Variants in TSPOAP1 observed in about 807,000 individuals in gnomAD.
The protein encoded by TSPOAP1 is TSPO associated protein 1.
A neutral mutation model predicts 197.0 loss-of-function variants in TSPOAP1; 87 were observed. That is an observed-to-expected ratio of 0.44 (90% CI 0.37 to 0.53). The LOEUF (loss-of-function observed/expected upper bound fraction) is 0.53. Ranked by LOEUF, TSPOAP1 falls within the 20% of genes least tolerant of loss-of-function variation. TSPOAP1 has a pLI of 0.00. For synonymous variants in TSPOAP1, 913 were observed against 998.9 expected (o/e 0.91, Z 1.62); for missense variants, 2,174 against 2,411.3 (o/e 0.90, Z 2.06).
Position 58,323,336 on chromosome 17 carries a change from G to T in TSPOAP1, c.1066C>A (p.Gln356Lys). The T allele has an allele frequency of 6.2e-7, 1 of 1,614,234 alleles. No individual in the cohort carries two copies. Among genetic ancestry groups the T allele is most frequent in the Non-Finnish European group, 8.5e-7 (1 of 1,180,034 alleles). The change falls in exon 7 of 32, where the codon CAG (glutamine) becomes AAG (lysine). Residue 356 changes from glutamine to lysine, a missense_variant. By Grantham distance (53) the Gln-to-Lys change is moderately conservative. Transcript: ENST00000343736. ...KKRKKCESLE[Q>K]EARKKQRRCE... Reference sequence around the variant, plus strand: ...CGCCTCTGCTTTTTCCGGGCTTCCTGCTCCAGGCTCTCGCATTTCTTCCGC... The same window carrying T: ...CGCCTCTGCTTTTTCCGGGCTTCCTTCTCCAGGCTCTCGCATTTCTTCCGC...
At position 58,308,838 on chromosome 17, in the gene TSPOAP1, A is replaced by G; in HGVS notation, c.4434T>C (p.Arg1478=). ...CCAGGCCAGGCTCCAGCGCCCGGCC[A>G]CGGGAGCACCTCCGGGAAGGGCCCA... ...GRLGPSRRCS[R]GRALEPGLAS... Residue 1478 remains arginine, a synonymous_variant, in exon 22 of 32, where the codon CGT becomes CGC. Coordinates refer to ENST00000343736, the MANE Select transcript of TSPOAP1 (RefSeq NM_004758.4). 6.2e-7 allele frequency: 1 copy of G among 1,611,552 alleles called. No homozygotes were observed. The highest frequency in any genetic ancestry group is 8.5e-7 in the Non-Finnish European group (1 of 1,179,054).
At chr17:58,310,272 A>G (rs58582198) in intron 20 of TSPOAP1, 114 bp from the exon 21 acceptor site, 2 of 1,232,148 alleles carry the variant, frequency 1.6e-6, no homozygotes, top group East Asian at 5.0e-5. Context: ...AGGGAGAAAG[A>G]GCCATGTCCT....
chr17:58,305,001 T>C (rs775401475), intron 30 of TSPOAP1, 60 bp downstream of exon 30: 21 of 1,333,884 alleles, frequency 1.6e-5, no homozygotes, highest in Non-Finnish European at 2.2e-5. Flanking sequence ...GCCCTGGCCC[T>C]ACCACCCCAC....
chr17:58,319,062 A>G (rs1186508935), intron 13 of TSPOAP1, 28 bp downstream of exon 13: 2 of 1,477,738 alleles, frequency 1.4e-6, no homozygotes, highest in Admixed American at 2.4e-5. Context: ...TGGGGATTCC[A>G]GGCCAATGCC....
chr17:58,312,539 C>T lies in TSPOAP1; in HGVS notation c.2282G>A (p.Gly761Glu), dbSNP rs757985193. The T allele has an allele frequency of 1.2e-6, 2 of 1,605,312 alleles. No individual in the cohort carries two copies. Among genetic ancestry groups the T allele is most frequent in the Non-Finnish European group, 1.7e-6 (2 of 1,175,694 alleles). ...CTCCTCAGGTCTGGGCTGGCTCCTTCCCACACTGCTTTGGCCCCCGCTACT... is the reference window on the plus strand; with the variant it reads ...CTCCTCAGGTCTGGGCTGGCTCCTTTCCACACTGCTTTGGCCCCCGCTACT... ...GSSSGGQSSV[G>E]RSQPRPEEED... is the part of the protein sequence containing the mutation. The change falls in exon 17 of 32, where the codon GGA becomes GAA. Residue 761 changes from glycine (G) to glutamate (E), a missense_variant. Gly to Glu is a moderately conservative substitution (Grantham distance 98). This residue lies in a region of TSPOAP1 where 1,933 missense variants were observed against 2,139.0 expected (regional missense o/e 0.90). Coordinates refer to ENST00000343736, the MANE Select transcript of TSPOAP1 (RefSeq NM_004758.4).
At position 58,309,502 on chromosome 17, in the gene TSPOAP1, C is replaced by A; in HGVS notation, c.3892-122G>T. 7.6e-7 allele frequency: 1 copy of A among 1,307,342 alleles called. No homozygotes were observed. Among genetic ancestry groups the A allele is most frequent in the South Asian group, 1.6e-5 (1 of 63,384 alleles). The allele number at this position is 1,307,342 out of a possible 1,614,324, so 81.0% of individuals were successfully genotyped here. A position where few individuals can be genotyped will look rare whatever the true frequency, so the allele number is the denominator to read the frequency against. ...CAGGGGTTACGGACAACCCCACAGC[C>A]CTCCCACGGCTTCCTCCGAGAGGAG... On this transcript the variant is annotated intron_variant, in intron 21 of 31. Transcript: ENST00000343736. The surrounding 1 kb of genome is among the most constrained non-coding windows in gnomAD (Gnocchi z 5.0).
In TSPOAP1 at chr17:58,327,707, C is replaced by A; in HGVS notation, c.214G>T (p.Val72Leu). The A allele has an allele frequency of 1.2e-6, 2 of 1,614,130 alleles. No individual in the cohort carries two copies. The highest frequency in any genetic ancestry group is 1.7e-6 in the Non-Finnish European group (2 of 1,180,040). Residue 72 changes from valine (V) to leucine (L), a missense_variant, in exon 1 of 32, where the codon GTG becomes TTG. Physicochemically the swap from Val to Leu is conservative, Grantham distance 32. Transcript: ENST00000343736. The part of the protein sequence containing the change: ...KPKGDGSSRP[V>L]GGTDPEGAEA... ...GCTCCTTCAGGGTCAGTTCCCCCCA[C>A]GGGCCTGGAGCTCCCGTCTCCTTTG...
chr17:58,306,547 C>T (rs1460184138), intron 25 of TSPOAP1, 134 bp from the exon 26 acceptor site: 3 of 1,001,566 alleles, frequency 3.0e-6, no homozygotes, highest in African/African-American at 3.3e-5. Flanking sequence ...CCATCCCTGA[C>T]AAGAGCCCCA....
intron 26 of TSPOAP1, 27 bp from the exon 27 acceptor site, chr17:58,305,892 C>CCCGA: frequency 6.2e-7 from 1 of 1,608,560 alleles, no homozygotes; most frequent in Non-Finnish European, 8.5e-7. Flanking sequence ...CCTGTGAGCC[C>CCCGA]CCTCCCACCC....
At chr17:58,316,631 T>A in intron 14 of TSPOAP1, 91 bp from the exon 15 acceptor site, 1 of 992,406 alleles carries the variant, frequency 1.0e-6, no homozygotes, top group Non-Finnish European at 1.5e-6. Context: ...GAGGACCTAT[T>A]GCTTTAAGGA....
At chr17:58,323,213 G>A in intron 7 of TSPOAP1, 85 bp downstream of exon 7, 1 of 1,526,764 alleles carries the variant, frequency 6.5e-7, no homozygotes, top group Non-Finnish European at 9.0e-7. Flanking sequence ...CAGCAGGGGT[G>A]GGAGCAGAGC....
In TSPOAP1 at chr17:58,318,329, G is replaced by A. The variant is rs759890200; in HGVS notation, c.1823C>T (p.Ser608Phe). The change falls in exon 14 of 32, where the codon TCC (serine) becomes TTC (phenylalanine). Residue 608 changes from serine (S) to phenylalanine (F), a missense_variant. Transcript: ENST00000343736. ...AKKAESLSNS[S>F]HSESIHNSPK... ...GCTGTTGTGGATGGACTCGGAGTGG[G>A]AGGAGTTGGAGAGAGACTCTGCCTT... The A allele has an allele frequency of 5.0e-6, 8 of 1,614,080 alleles. No homozygotes were observed. The highest frequency in any genetic ancestry group is 5.9e-6 in the Non-Finnish European group (7 of 1,180,038).
chr17:58,302,472 A>G (rs1487124925), intron 31 of TSPOAP1, 25 bp from the exon 32 acceptor site: 1 of 1,207,534 alleles, frequency 8.3e-7, no homozygotes, highest in East Asian at 5.9e-5. Context: ...AGAAGGAGCA[A>G]GGTCAGGGCC....
intron 24 of TSPOAP1, chr17:58,307,321 G>A (rs1219037692): frequency 1.9e-6 from 1 of 535,804 alleles, no homozygotes; most frequent in Non-Finnish European, 3.3e-6. Flanking sequence ...GTCTCAGGCA[G>A]TTTAAGCACT....
Position 58,304,169 on chromosome 17 carries a change from G to A in TSPOAP1, c.*32+169C>T. The A allele has an allele frequency of 3.4e-6, 2 of 590,236 alleles. No homozygotes were observed. Among genetic ancestry groups the A allele is most frequent in the Non-Finnish European group, 6.1e-6 (2 of 326,614 alleles). 36.6% of individuals were successfully genotyped at this position (590,236 alleles called of 1,614,324 possible). A position where few individuals can be genotyped will look rare whatever the true frequency, so the allele number is the denominator to read the frequency against. On this transcript the variant is annotated intron_variant, in intron 31 of 31. Transcript: ENST00000343736. This position sits in a 1 kb window ranked among gnomAD's most constrained non-coding sequence, Gnocchi z 4.2. ...GGCAAGGCAAGGGGAGCAGGGAGGG[G>A]GAGGGATGACTCTTCATGCAAATCT...
At chr17:58,316,224 C>A in intron 15 of TSPOAP1, 92 bp from the exon 16 acceptor site, 1 of 1,233,964 alleles carries the variant, frequency 8.1e-7, no homozygotes, top group Non-Finnish European at 1.2e-6. Flanking sequence ...TGAGCCTTTA[C>A]GGAGACTTGG....
intron 24 of TSPOAP1, among the ~76,000 whole-genome samples, chr17:58,307,248 A>T (rs1016253395): frequency 6.6e-6 from 1 of 152,228 alleles, no homozygotes; most frequent in African/African-American, 2.4e-5. Context: ...GCCTTTAATC[A>T]ATACTTGGAG....
chr17:58,322,585 T>TA lies in TSPOAP1; in HGVS notation c.1317+68dup, dbSNP rs1170641335. The TA allele has an allele frequency of 1.3e-6, 2 of 1,590,648 alleles. No individual in the cohort carries two copies. Among genetic ancestry groups the TA allele is most frequent in the Admixed American group, 3.4e-5 (2 of 59,550 alleles). ...CAGAGCTAGTGCCCCTCACTAAGAA[T>TA]ATTCTGCTGTCCCACTTGCTCCCCA... On this transcript the variant is annotated intron_variant, in intron 9 of 31. Coordinates refer to ENST00000343736, the MANE Select transcript of TSPOAP1 (RefSeq NM_004758.4). This position sits in a 1 kb window ranked among gnomAD's most constrained non-coding sequence, Gnocchi z 5.0.
In TSPOAP1 at chr17:58,327,829, C is replaced by T. The variant is rs1184550027; in HGVS notation, c.92G>A (p.Arg31Gln). The T allele has an allele frequency of 1.1e-5, 18 of 1,613,904 alleles. No individual in the cohort carries two copies. Among genetic ancestry groups the T allele is most frequent in the South Asian group, 2.2e-5 (2 of 91,092 alleles). The change falls in exon 1 of 32, where the codon CGA (arginine) becomes CAA (glutamine). Residue 31 changes from arginine (R) to glutamine (Q), a missense_variant. By Grantham distance (43) the Arg-to-Gln change is conservative. Transcript: ENST00000343736. ...GGCTGCACTGCTAGGTTCACCCCCT[C>T]GACCTGGAGTCCAGCTATGCCAGGT... is the stretch of plus-strand genomic sequence containing the variant. ...LPTWHSWTPG[R>Q]GGEPSSAAPS... is the part of the protein sequence containing the mutation.
Sources: gnomAD v4.1 joint callset for allele counts (sites outside exome capture counted in the v4.1 genomes callset) on GRCh38, gnomAD v4.1.1 for gene constraint, gnomAD v4.1.1 regional missense constraint, Gnocchi (gnomAD v3.1) non-coding constraint, MANE v1.5 for transcripts, NCBI Gene and HGNC (gene_info 2026-07-23, HGNC 2026-07-21) for gene names.